ARHGEF7: variants seen among roughly 807,000 people sequenced by gnomAD.
ARHGEF7 encodes the protein PAK-interacting exchange factor beta.
In ARHGEF7, 33 loss-of-function variants were observed where a neutral mutation model predicts 109.8. That is an observed-to-expected ratio of 0.30 (90% CI 0.23 to 0.40). The LOEUF is 0.40. Ranked by LOEUF, ARHGEF7 falls within the 10% of genes least tolerant of loss-of-function variation. The probability of loss-of-function intolerance (pLI) is 1.00; values close to 1 mark genes in which losing one functional copy is unlikely to be tolerated. For missense variants in ARHGEF7, 938 were observed against 1,098.5 expected (o/e 0.85, Z 2.07); for synonymous variants, 458 against 424.6 (o/e 1.08, Z -0.97).
chr13:111,208,733 C>A (rs1000759147), intron 3 of ARHGEF7, among the ~76,000 whole-genome samples: 15 of 152,120 alleles, frequency 9.9e-5, no homozygotes, highest in Non-Finnish European at 1.0e-4. Flanking sequence ...TTACTCGTAA[C>A]CTGCCCTCAG....
At chr13:111,293,510 C>T (rs1487434286) in intron 19 of ARHGEF7, 1 of 984,746 alleles carries the variant, frequency 1.0e-6, no homozygotes, top group Non-Finnish European at 1.2e-6. Flanking sequence ...TCACTCAGAC[C>T]AATTTCTGCT....
At chr13:111,166,175 G>C (rs1263070808) in intron 2 of ARHGEF7, among the ~76,000 whole-genome samples, 1 of 152,114 alleles carries the variant, frequency 6.6e-6, no homozygotes, top group East Asian at 1.9e-4. Flanking sequence ...TCTCCAGACT[G>C]TTTTTTTCTG....
Position 111,258,263 on chromosome 13 carries a change from A to G in ARHGEF7, c.951-9285A>G, listed in dbSNP as rs2090674545. On this transcript the variant is annotated intron_variant, in intron 8 of 21. Transcript: ENST00000646102. The surrounding 1 kb of genome is among the most constrained non-coding windows in gnomAD (Gnocchi z 4.4). Reference sequence around the variant, plus strand: ...AGCTCCAGGAGAGACTCCTCCCACAACCACAGGCAGTGCAGCCTGCAGCTC... The same window carrying G: ...AGCTCCAGGAGAGACTCCTCCCACAGCCACAGGCAGTGCAGCCTGCAGCTC... 7.4e-6 allele frequency among the ~76,000 whole-genome samples: 1 copy of G among 134,862 alleles called. No homozygotes were observed. Among genetic ancestry groups the G allele is most frequent in the Admixed American group, 7.3e-5 (1 of 13,616 alleles). The allele number at this position is 134,862 out of a possible 152,430, so 88.5% of individuals were successfully genotyped here. A position where few individuals can be genotyped will look rare whatever the true frequency, so the allele number is the denominator to read the frequency against.
chr13:111,115,548 G>C lies in ARHGEF7; in HGVS notation c.22G>C (p.Val8Leu). The change falls in exon 1 of 22, where the codon GTT (valine) becomes CTT (leucine). Residue 8 changes from valine to leucine, a missense_variant. Physicochemically the swap from Val to Leu is conservative, Grantham distance 32 (BLOSUM62 1). Coordinates refer to ENST00000646102, the MANE Select transcript of ARHGEF7 (RefSeq NM_001354046.2). MNSAEQT[V>L]TWLITLGVLE... ...AGCGATGAATTCCGCCGAGCAAACC[G>C]TTACGTGGCTCATCACTCTGGGGGT... 7.3e-7 allele frequency: 1 copy of C among 1,377,082 alleles called. No homozygotes were observed. Among genetic ancestry groups the C allele is most frequent in the Non-Finnish European group, 9.6e-7 (1 of 1,043,086 alleles). 85.3% of individuals were successfully genotyped at this position (1,377,082 alleles called of 1,614,324 possible).
Position 111,280,644 on chromosome 13 carries a change from C to T in ARHGEF7, c.1692C>T (p.Pro564=), listed in dbSNP as rs1435738337. 6.2e-6 allele frequency: 10 copies of T among 1,608,460 alleles called. No homozygotes were observed. The highest frequency in any genetic ancestry group is 1.3e-5 in the African/African-American group (1 of 74,642). ...CGAAGGTCACGTCTGTGGGAAACCC[C>T]ACCATAAAGCCTCATTCAGTGCCAT... ...KQTKVTSVGN[P]TIKPHSVPSH... is the part of the protein sequence containing the mutation. The change falls in exon 15 of 22, where the codon CCC becomes CCT. Residue 564 remains proline, a synonymous_variant. Coordinates refer to ENST00000646102, the MANE Select transcript of ARHGEF7 (RefSeq NM_001354046.2).
intron 5 of ARHGEF7, among the ~76,000 whole-genome samples, chr13:111,229,743 C>T (rs2085766945): frequency 6.6e-6 from 1 of 152,116 alleles, no homozygotes; most frequent in African/African-American, 2.4e-5. Flanking sequence ...ACATTTGCTT[C>T]TTAGGGGTTC....
At chr13:111,261,476 A>G (rs964694832) in intron 8 of ARHGEF7, among the ~76,000 whole-genome samples, 4 of 152,240 alleles carry the variant, frequency 2.6e-5, no homozygotes, top group Non-Finnish European at 5.9e-5. Context: ...AAGTATTATT[A>G]GAACTAAAGA....
At chr13:111,254,276 A>G (rs1031198652) in intron 8 of ARHGEF7, among the ~76,000 whole-genome samples, 1 of 152,262 alleles carries the variant, frequency 6.6e-6, no homozygotes, top group African/African-American at 2.4e-5. Context: ...GTTAACTGCA[A>G]TGTTTGTAAT....
intron 8 of ARHGEF7, among the ~76,000 whole-genome samples, chr13:111,251,347 G>T (rs2089744021): frequency 6.6e-6 from 1 of 152,236 alleles, no homozygotes; most frequent in Admixed American, 6.5e-5. Context: ...AACAGTAGGA[G>T]CCCGGACGGG....
chr13:111,209,940 C>T lies in ARHGEF7; in HGVS notation c.406C>T (p.Leu136Phe), dbSNP rs368036359. 87 of 1,614,078 alleles carry T rather than the reference C, an allele frequency of 5.4e-5. No individual in the cohort carries two copies. The highest frequency in any genetic ancestry group is 1.8e-4 in the Admixed American group (11 of 60,000). ...TCACCGCATAAAGTCTTTTGACTCCCTTGGATCACAGTCTTTGCACACTCG... is the reference window on the plus strand; with the variant it reads ...TCACCGCATAAAGTCTTTTGACTCCTTTGGATCACAGTCTTTGCACACTCG... ...SSHRIKSFDS[L>F]GSQSLHTRTS... The change falls in exon 4 of 22, where the codon CTT (leucine) becomes TTT (phenylalanine). Residue 136 changes from leucine to phenylalanine, a missense_variant. Coordinates refer to ENST00000646102, the MANE Select transcript of ARHGEF7 (RefSeq NM_001354046.2).
chr13:111,127,969 A>G (rs1326779383), intron 1 of ARHGEF7, among the ~76,000 whole-genome samples: 1 of 152,246 alleles, frequency 6.6e-6, no homozygotes, highest in Admixed American at 6.5e-5. Context: ...GATTATCTCA[A>G]TGGATGGCAG....
At chr13:111,116,821 C>G (rs559970243) in intron 1 of ARHGEF7, among the ~76,000 whole-genome samples, 6 of 152,252 alleles carry the variant, frequency 3.9e-5, no homozygotes, top group South Asian at 4.2e-4. Flanking sequence ...GGTCAGAAAA[C>G]ATTTTATTTA....
chr13:111,172,874 C>T (rs921293463), intron 2 of ARHGEF7, among the ~76,000 whole-genome samples: 3 of 152,196 alleles, frequency 2.0e-5, no homozygotes, highest in Non-Finnish European at 2.9e-5. Flanking sequence ...ATTACTGATG[C>T]TGCCTTTTTC....
chr13:111,161,572 T>A (rs1437650808), intron 2 of ARHGEF7, among the ~76,000 whole-genome samples: 2 of 152,248 alleles, frequency 1.3e-5, no homozygotes, highest in East Asian at 3.8e-4. Flanking sequence ...ATTTGCATTA[T>A]TATTCTTTCG....
chr13:111,118,220 G>A (rs2066931805), intron 1 of ARHGEF7, among the ~76,000 whole-genome samples: 1 of 152,220 alleles, frequency 6.6e-6, no homozygotes, highest in Non-Finnish European at 1.5e-5. Flanking sequence ...GCCCTAATGT[G>A]TTTCTTCCAT....
chr13:111,123,282 C>G (rs1201895024), intron 1 of ARHGEF7, among the ~76,000 whole-genome samples: 1 of 152,170 alleles, frequency 6.6e-6, no homozygotes, highest in Non-Finnish European at 1.5e-5. Context: ...GGGGTGTGAT[C>G]ACATGGAGGA....
intron 2 of ARHGEF7, among the ~76,000 whole-genome samples, chr13:111,174,950 T>A (rs1393628504): frequency 6.6e-6 from 1 of 152,198 alleles, no homozygotes; most frequent in Non-Finnish European, 1.5e-5. Context: ...ATCTGTTGCC[T>A]GTGTCTCGGG....
At chr13:111,210,220 T>A (rs1042253119) in intron 4 of ARHGEF7, among the ~76,000 whole-genome samples, 1 of 152,220 alleles carries the variant, frequency 6.6e-6, no homozygotes, top group African/African-American at 2.4e-5. Flanking sequence ...AACTCATTTG[T>A]TTTTAGGTTG....
chr13:111,301,819 G>A (rs1324410351), intron 21 of ARHGEF7, among the ~76,000 whole-genome samples: 1 of 152,174 alleles, frequency 6.6e-6, no homozygotes, highest in Non-Finnish European at 1.5e-5. Flanking sequence ...TTGAACCTAG[G>A]AGGCGGAGGT....
Sources: gnomAD v4.1 joint callset for allele counts (sites outside exome capture counted in the v4.1 genomes callset) on GRCh38, gnomAD v4.1.1 for gene constraint, Gnocchi (gnomAD v3.1) non-coding constraint, MANE v1.5 for transcripts, NCBI Gene and HGNC (gene_info 2026-07-23, HGNC 2026-07-21) for gene names.